ZNF804A: variants seen among roughly 807,000 people sequenced by gnomAD.
ZNF804A encodes the protein zinc finger protein 804A.
ZNF804A carries 2 observed loss-of-function variants against 16.5 expected under a neutral mutation model. That is an observed-to-expected ratio of 0.12 (90% CI 0.05 to 0.38). The LOEUF (loss-of-function observed/expected upper bound fraction) is 0.38, where lower values mean the gene tolerates loss of function less well. Among genes scored for constraint, ZNF804A ranks in the 10% least tolerant of loss-of-function variants. ZNF804A has a pLI of 0.99. For missense variants in ZNF804A, 1,473 were observed against 1,390.7 expected (o/e 1.06, Z -0.94); for synonymous variants, 534 against 489.6 (o/e 1.09, Z -1.20).
chr2:184,806,678 A>G (rs752161728), intron 1 of ZNF804A, among the ~76,000 whole-genome samples: 10 of 151,864 alleles, frequency 6.6e-5, no homozygotes, highest in Non-Finnish European at 1.5e-5. Flanking sequence ...TGCATATTGT[A>G]TATTAATATG....
At chr2:184,848,567 G>C (rs377180688) in intron 1 of ZNF804A, among the ~76,000 whole-genome samples, 107 of 152,162 alleles carry the variant, frequency 7.0e-4, no homozygotes, top group African/African-American at 2.5e-3. Context: ...AAGTGAACAA[G>C]TGTGTTATGC....
chr2:184,757,063 T>G (rs952362835), intron 1 of ZNF804A, among the ~76,000 whole-genome samples: 29 of 152,080 alleles, frequency 1.9e-4, no homozygotes, highest in African/African-American at 6.3e-4. Flanking sequence ...ATTCTTGCTT[T>G]CTCATGCTGA....
intron 1 of ZNF804A, among the ~76,000 whole-genome samples, chr2:184,638,890 G>T (rs569552352): frequency 1.3e-5 from 2 of 151,846 alleles, no homozygotes; most frequent in African/African-American, 4.8e-5. Context: ...CTCCATTCCC[G>T]TAAGGTTGAT....
chr2:184,673,487 T>A (rs1367100311), intron 1 of ZNF804A, among the ~76,000 whole-genome samples: 1 of 152,228 alleles, frequency 6.6e-6, no homozygotes, highest in Non-Finnish European at 1.5e-5. Context: ...GAATAAATAT[T>A]GCTTGCTGGA....
intron 1 of ZNF804A, among the ~76,000 whole-genome samples, chr2:184,704,173 C>T (rs1692980636): frequency 6.7e-6 from 1 of 148,840 alleles, no homozygotes; most frequent in Non-Finnish European, 1.5e-5. Context: ...TTTTTTGACA[C>T]CGAGTTTCAC....
At chr2:184,684,991 C>T (rs934713936) in intron 1 of ZNF804A, among the ~76,000 whole-genome samples, 33 of 152,006 alleles carry the variant, frequency 2.2e-4, no homozygotes, top group Non-Finnish European at 3.8e-4. Context: ...TGGGCTTGTT[C>T]CGCCCATTCA....
At chr2:184,813,797 T>C (rs919345893) in intron 1 of ZNF804A, among the ~76,000 whole-genome samples, 27 of 151,928 alleles carry the variant, frequency 1.8e-4, no homozygotes, top group Admixed American at 1.6e-3. Flanking sequence ...ATTCAAAATA[T>C]ATTATGGTTC....
intron 1 of ZNF804A, among the ~76,000 whole-genome samples, chr2:184,610,621 C>A (rs1691221323): frequency 6.6e-6 from 1 of 151,780 alleles, no homozygotes; most frequent in African/African-American, 2.4e-5. Flanking sequence ...AAGAAAGTAT[C>A]AATGGAAATA....
intron 1 of ZNF804A, among the ~76,000 whole-genome samples, chr2:184,656,727 C>CAT (rs1246898443): frequency 1.1e-4 from 16 of 151,226 alleles, no homozygotes; most frequent in African/African-American, 3.7e-4. Flanking sequence ...TATATATACA[C>CAT]ATATATACAC....
intron 1 of ZNF804A, among the ~76,000 whole-genome samples, chr2:184,746,943 G>A (rs1049580305): frequency 6.6e-6 from 1 of 151,328 alleles, no homozygotes. Context: ...AACTGAGAGA[G>A]TTTTCAGTTC....
intron 1 of ZNF804A, among the ~76,000 whole-genome samples, chr2:184,784,048 C>T (rs1020095855): frequency 2.0e-5 from 3 of 151,862 alleles, no homozygotes; most frequent in African/African-American, 7.3e-5. Context: ...AATTCATTAT[C>T]ATGAAAACAT....
At chr2:184,829,115 C>A (rs952081045) in intron 1 of ZNF804A, among the ~76,000 whole-genome samples, 1 of 151,468 alleles carries the variant, frequency 6.6e-6, no homozygotes, top group African/African-American at 2.4e-5. Context: ...TGCACTTTAT[C>A]ACATGTATCA....
chr2:184,862,003 C>G (rs1242660372), intron 1 of ZNF804A, among the ~76,000 whole-genome samples: 1 of 152,146 alleles, frequency 6.6e-6, no homozygotes, highest in Admixed American at 6.5e-5. Flanking sequence ...TGACCTGACT[C>G]GTTGCAGGAA....
chr2:184,754,018 C>G (rs1204024646), intron 1 of ZNF804A, among the ~76,000 whole-genome samples: 1 of 151,778 alleles, frequency 6.6e-6, no homozygotes, highest in Non-Finnish European at 1.5e-5. Context: ...CTTTCTCACT[C>G]TCTCTCTATC....
At chr2:184,734,004 C>G (rs550486938) in intron 1 of ZNF804A, among the ~76,000 whole-genome samples, 11 of 151,774 alleles carry the variant, frequency 7.2e-5, no homozygotes, top group African/African-American at 2.4e-4. Context: ...CTGATTTTAG[C>G]TGGTTTTTTA....
chr2:184,894,243 G>T (rs1049869106), intron 2 of ZNF804A, among the ~76,000 whole-genome samples: 1 of 152,014 alleles, frequency 6.6e-6, no homozygotes, highest in African/African-American at 2.4e-5. Flanking sequence ...CGGTGAAGGG[G>T]TATGCCAACC....
At chr2:184,759,128 T>C (rs1263571170) in intron 1 of ZNF804A, among the ~76,000 whole-genome samples, 6 of 151,178 alleles carry the variant, frequency 4.0e-5, no homozygotes, top group African/African-American at 7.3e-5. Flanking sequence ...ATGTATAATA[T>C]GTAATATGTA....
At chr2:184,774,402 A>C (rs563976620) in intron 1 of ZNF804A, among the ~76,000 whole-genome samples, 94 of 152,012 alleles carry the variant, frequency 6.2e-4, no homozygotes, top group Non-Finnish European at 1.1e-3. Context: ...AGAAGAATAT[A>C]TGGTTGTGTT....
At chr2:184,857,428 A>G (rs1473851823) in intron 1 of ZNF804A, among the ~76,000 whole-genome samples, 2 of 152,092 alleles carry the variant, frequency 1.3e-5, no homozygotes, top group African/African-American at 2.4e-5. Context: ...TCCCATGTAC[A>G]CTTGAGAAGA....
Sources: gnomAD v4.1 joint callset for allele counts (sites outside exome capture counted in the v4.1 genomes callset) on GRCh38, gnomAD v4.1.1 for gene constraint, MANE v1.5 for transcripts, NCBI Gene and HGNC (gene_info 2026-07-23, HGNC 2026-07-21) for gene names.